The following PPP2R2B variants were observed in gnomAD, a reference collection of about 807,000 sequenced individuals.
PPP2R2B encodes serine/threonine-protein phosphatase 2A 55 kDa regulatory subunit B beta isoform.
PPP2R2B carries 5 observed loss-of-function variants against 46.0 expected under a neutral mutation model. The observed-to-expected ratio is 0.11, with a 90% confidence interval of 0.06 to 0.23. The LOEUF (loss-of-function observed/expected upper bound fraction) is 0.23, where lower values mean the gene tolerates loss of function less well. PPP2R2B is among the 10% of genes least tolerant of loss of function. PPP2R2B has a pLI of 1.00. For missense variants in PPP2R2B, 367 were observed against 575.0 expected, an observed-to-expected ratio of 0.64 and a Z score of 3.70; for synonymous variants, 215 against 206.7, an observed-to-expected ratio of 1.04 and a Z score of -0.34.
At chr5:147,049,503 G>C (rs534678143) in intron 1 of PPP2R2B, among the ~76,000 whole-genome samples, 1 of 152,232 alleles carries the variant, frequency 6.6e-6, no homozygotes, top group South Asian at 2.1e-4. Context: ...GTTGGATATA[G>C]AAATTAAATC....
chr5:146,695,811 T>C (rs1779143422), intron 4 of PPP2R2B, among the ~76,000 whole-genome samples: 1 of 152,180 alleles, frequency 6.6e-6, no homozygotes, highest in African/African-American at 2.4e-5. Flanking sequence ...GTAATTCCAA[T>C]TGTCTTCCAT....
At chr5:147,032,420 C>A (rs545299142) in intron 1 of PPP2R2B, among the ~76,000 whole-genome samples, 1 of 152,054 alleles carries the variant, frequency 6.6e-6, no homozygotes, top group Non-Finnish European at 1.5e-5. Flanking sequence ...TGAATAAGTT[C>A]TTTAGTGGTG....
chr5:146,822,345 G>A (rs983621720), intron 2 of PPP2R2B, among the ~76,000 whole-genome samples: 2 of 151,926 alleles, frequency 1.3e-5, no homozygotes, highest in African/African-American at 4.8e-5. Context: ...TCTTTTCATG[G>A]CCTCCAAGCC....
chr5:146,862,336 G>T (rs1761053676), intron 2 of PPP2R2B, among the ~76,000 whole-genome samples: 2 of 152,344 alleles, frequency 1.3e-5, no homozygotes, highest in South Asian at 4.1e-4. Context: ...ACTGTCCTTT[G>T]TATGGTAAAC....
chr5:147,017,729 G>A (rs1426253900), intron 1 of PPP2R2B, among the ~76,000 whole-genome samples: 2 of 148,946 alleles, frequency 1.3e-5, no homozygotes, highest in Non-Finnish European at 2.9e-5. Flanking sequence ...GTGTTTCTTA[G>A]CTTTGGCAAA....
rs369163241 is a variant in PPP2R2B at position 146,706,725 on chromosome 5, C to T, written c.71-5583G>A. 4 of 824,378 alleles carry T rather than the reference C, an allele frequency of 4.9e-6. No individual in the cohort carries two copies. In the African/African-American group the frequency reaches 5.0e-5, roughly 10 times the overall value. 51.1% of individuals were successfully genotyped at this position (824,378 alleles called of 1,614,324 possible). A position where few individuals can be genotyped will look rare whatever the true frequency, so the allele number is the denominator to read the frequency against. On this transcript the variant is annotated intron_variant, in intron 2 of 9. Coordinates refer to ENST00000394411, the MANE Select transcript of PPP2R2B (RefSeq NM_181675.4). ...CTCAGAGATCTCAGTCTTTGTAAGA[C>T]GCAGGTCTTCCCAGCCAGCGTCTGC...
chr5:146,785,488 C>G (rs542458947), intron 2 of PPP2R2B, among the ~76,000 whole-genome samples: 6 of 152,156 alleles, frequency 3.9e-5, no homozygotes, highest in Non-Finnish European at 5.9e-5. Flanking sequence ...GTGGAGGCTA[C>G]AGTGAGCTTT....
intron 2 of PPP2R2B, among the ~76,000 whole-genome samples, chr5:146,833,999 C>A (rs1342655187): frequency 6.6e-6 from 1 of 152,140 alleles, no homozygotes; most frequent in Admixed American, 6.5e-5. Context: ...TAACGTGGCT[C>A]TAAAATGTCC....
At chr5:146,983,809 AGATTTCT>A (rs1283292158) in intron 1 of PPP2R2B, among the ~76,000 whole-genome samples, 1 of 151,922 alleles carries the variant, frequency 6.6e-6, no homozygotes, top group African/African-American at 2.4e-5. Context: ...TCATAAGGTA[AGATTTCT>A]TCTTTTATAA....
intron 2 of PPP2R2B, among the ~76,000 whole-genome samples, chr5:146,800,408 C>T (rs1285362636): frequency 6.6e-6 from 1 of 152,062 alleles, no homozygotes; most frequent in Non-Finnish European, 1.5e-5. Context: ...TTCTTTTCCT[C>T]CTCAAGACCC....
At chr5:146,862,747 G>A (rs1207174808) in intron 2 of PPP2R2B, among the ~76,000 whole-genome samples, 1 of 142,596 alleles carries the variant, frequency 7.0e-6, no homozygotes, top group African/African-American at 2.8e-5. Flanking sequence ...CTTCTTAAAG[G>A]GTCAAAGAAA....
At chr5:146,997,547 A>G (rs920782667) in intron 1 of PPP2R2B, among the ~76,000 whole-genome samples, 1 of 152,212 alleles carries the variant, frequency 6.6e-6, no homozygotes, top group Admixed American at 6.5e-5. Flanking sequence ...GATGGGGCCC[A>G]GCACTTCCCT....
chr5:146,630,396 T>G (rs183941581), intron 7 of PPP2R2B, among the ~76,000 whole-genome samples: 1 of 152,300 alleles, frequency 6.6e-6, no homozygotes, highest in Non-Finnish European at 1.5e-5. Flanking sequence ...CACAAGAAAG[T>G]ATGGTCCTTA....
chr5:146,999,110 C>A (rs929084999), intron 1 of PPP2R2B, among the ~76,000 whole-genome samples: 9 of 150,798 alleles, frequency 6.0e-5, no homozygotes, highest in South Asian at 2.1e-4. Flanking sequence ...TTTGGCTGTG[C>A]ATTCATTGTT....
Position 146,923,178 on chromosome 5 carries a change from A to T in PPP2R2B, c.79+132487T>A, listed in dbSNP as rs375691819. On this transcript the variant is annotated intron_variant, in intron 1 of 8. Transcript: ENST00000336640. ...ATTTTCTCTGACTTGACACTAAAAG[A>T]TTCTCAATATATCTAGGTGACAACT... is the stretch of plus-strand genomic sequence containing the variant. Among the ~76,000 whole-genome samples the T allele has an allele frequency of 8.5e-5, 13 of 152,146 alleles. 1 individual carries two copies. The East Asian group carries it at 1.4e-3, about 16-fold the overall frequency.
intron 1 of PPP2R2B, among the ~76,000 whole-genome samples, chr5:147,020,424 T>C (rs759010532): frequency 2.6e-5 from 4 of 152,142 alleles, no homozygotes; most frequent in Non-Finnish European, 5.9e-5. Flanking sequence ...AATTCATATG[T>C]GATTTATAAA....
intron 5 of PPP2R2B, among the ~76,000 whole-genome samples, chr5:146,670,114 A>T (rs1367691776): frequency 1.3e-5 from 2 of 152,224 alleles, no homozygotes; most frequent in East Asian, 3.8e-4. Context: ...AACTCAGTGA[A>T]CACAGTATCT....
intron 7 of PPP2R2B, among the ~76,000 whole-genome samples, chr5:146,635,388 G>A (rs911180202): frequency 2.0e-5 from 3 of 151,960 alleles, no homozygotes; most frequent in Middle Eastern, 3.4e-3. Flanking sequence ...ATTAAGCCTA[G>A]TACCAATTAG....
chr5:147,074,465 AT>A (rs1417784781), intron 2 of PPP2R2B, among the ~76,000 whole-genome samples: 1 of 152,196 alleles, frequency 6.6e-6, no homozygotes. Context: ...TGAAGTTATA[AT>A]TATTGTAACT....
Sources: allele counts gnomAD v4.1 joint callset (sites outside exome capture counted in the v4.1 genomes callset), GRCh38; gene constraint gnomAD v4.1.1; transcripts MANE v1.5; gene names NCBI Gene and HGNC (gene_info 2026-07-23, HGNC 2026-07-21).